TRIM55: variants seen among roughly 807,000 people sequenced by gnomAD.
TRIM55 encodes tripartite motif-containing protein 55.
TRIM55 carries 50 observed loss-of-function variants against 60.9 expected under a neutral mutation model. The observed-to-expected ratio is 0.82, with a 90% CI of 0.65 to 1.04. The LOEUF is 1.04. TRIM55 is among the 50% of genes least tolerant of loss of function. The pLI is 0.00. For missense variants in TRIM55, 681 were observed against 666.9 expected, an observed-to-expected ratio of 1.02 and a Z score of -0.23; for synonymous variants, 237 against 238.1, an observed-to-expected ratio of 1.00 and a Z score of 0.04.
At chr8:66,128,524 T>C in intron 2 of TRIM55, 48 bp downstream of exon 2, 1 of 1,580,098 alleles carries the variant, frequency 6.3e-7, no homozygotes. Context: ...TGAAACTTGT[T>C]TTTGTTTGTT....
At chr8:66,161,734 T>C (rs1302015839) in intron 9 of TRIM55, among the ~76,000 whole-genome samples, 1 of 150,390 alleles carries the variant, frequency 6.6e-6, no homozygotes, top group Non-Finnish European at 1.5e-5. Context: ...ATTCATGTCC[T>C]TGGTTAGGTA....
chr8:66,164,065 G>C (rs1487984594), intron 9 of TRIM55, among the ~76,000 whole-genome samples: 3 of 151,752 alleles, frequency 2.0e-5, no homozygotes, highest in Non-Finnish European at 4.4e-5. Context: ...TCTGCATGCT[G>C]AAATGGGTAG....
chr8:66,128,232 G>T, intron 1 of TRIM55, 72 bp from the exon 2 acceptor site: 1 of 1,361,718 alleles, frequency 7.3e-7, no homozygotes, highest in South Asian at 1.4e-5. Flanking sequence ...TAGTAGCAGA[G>T]AGTGAAAATA....
chr8:66,152,728 A>G, intron 8 of TRIM55, 101 bp downstream of exon 8: 1 of 1,445,038 alleles, frequency 6.9e-7, no homozygotes, highest in East Asian at 2.3e-5. Context: ...AAAGATAACT[A>G]TATGCCAGAC....
At chr8:66,147,234 T>C (rs73249962) in intron 4 of TRIM55, among the ~76,000 whole-genome samples, 4,131 of 152,256 alleles carry the variant, frequency 0.027, 172 homozygotes, top group African/African-American at 0.093. Flanking sequence ...TGACATGCAT[T>C]GTTTGTTAAA....
At chr8:66,173,984 T>C (rs1237514216) in intron 9 of TRIM55, among the ~76,000 whole-genome samples, 1 of 152,160 alleles carries the variant, frequency 6.6e-6, no homozygotes, top group African/African-American at 2.4e-5. Flanking sequence ...AGAAAATATA[T>C]ATGTATATGC....
chr8:66,160,179 T>C (rs749984562), intron 9 of TRIM55, among the ~76,000 whole-genome samples: 4 of 152,130 alleles, frequency 2.6e-5, no homozygotes, highest in African/African-American at 9.7e-5. Flanking sequence ...CAAAGTCCCA[T>C]GTATTATTCT....
intron 9 of TRIM55, among the ~76,000 whole-genome samples, chr8:66,157,158 C>T (rs1810788512): frequency 6.6e-6 from 1 of 152,162 alleles, no homozygotes; most frequent in African/African-American, 2.4e-5. Context: ...GGCTGTGATC[C>T]ACTGAGCCCA....
chr8:66,124,871 C>T (rs143891450), upstream of TRIM55, among the ~76,000 whole-genome samples: 397 of 152,260 alleles, frequency 2.6e-3, 4 homozygotes, highest in African/African-American at 9.2e-3. Context: ...AGGCATGGTA[C>T]GAAGGACAGA....
chr8:66,127,568 T>C, intron 1 of TRIM55, 132 bp downstream of exon 1: 1 of 1,038,628 alleles, frequency 9.6e-7, no homozygotes, highest in Non-Finnish European at 1.4e-6. Flanking sequence ...GGCTCACGCC[T>C]GTAGTCCCAG....
At chr8:66,114,082 A>AACCC in the TRIM55 span, among the ~76,000 whole-genome samples, 11 of 75,322 alleles carry the variant, frequency 1.5e-4, no homozygotes, top group East Asian at 5.4e-4. Flanking sequence ...AAGGAGAGAC[A>AACCC]CCCCCCCCCC....
intron 4 of TRIM55, among the ~76,000 whole-genome samples, chr8:66,147,995 A>C (rs1810198237): frequency 6.6e-6 from 1 of 152,190 alleles, no homozygotes. Flanking sequence ...AAATGAAAGA[A>C]TATGTAATAA....
At chr8:66,169,140 A>G (rs1273414494) in intron 9 of TRIM55, among the ~76,000 whole-genome samples, 1 of 152,214 alleles carries the variant, frequency 6.6e-6, no homozygotes, top group Non-Finnish European at 1.5e-5. Flanking sequence ...GCTAAAAAAA[A>G]TAATGCCCCC....
chr8:66,160,306 G>C (rs567035356), intron 9 of TRIM55, among the ~76,000 whole-genome samples: 2 of 151,860 alleles, frequency 1.3e-5, no homozygotes, highest in Non-Finnish European at 2.9e-5. Context: ...CATCCAGGTT[G>C]TTGCAAATGC....
chr8:66,149,785 CA>C lies in TRIM55; in HGVS notation c.749del (p.Lys250SerfsTer36). 1 of 1,614,152 alleles carries C rather than the reference CA, an allele frequency of 6.2e-7. No homozygotes were observed. Among genetic ancestry groups the C allele is most frequent in the Non-Finnish European group, 8.5e-7 (1 of 1,180,012 alleles). ...EKLEHVRALI[K>X]KYSDHLENVS... ...AACTGGAACATGTCCGTGCTCTGAT[CA>C]AAAAGTATTCTGATCATTTGGAGAA... On this transcript the variant is annotated frameshift_variant, in exon 5 of 10. Transcript: ENST00000315962. LOFTEE classifies it high-confidence loss of function.
chr8:66,171,113 T>C (rs1811602074), intron 9 of TRIM55, among the ~76,000 whole-genome samples: 1 of 152,174 alleles, frequency 6.6e-6, no homozygotes, highest in African/African-American at 2.4e-5. Flanking sequence ...TATTTTAAGT[T>C]CAGGGGTACA....
intron 8 of TRIM55, 59 bp from the exon 9 acceptor site, chr8:66,153,988 T>TTTC (rs1258683318): frequency 1.1e-5 from 16 of 1,502,150 alleles, no homozygotes; most frequent in East Asian, 2.3e-5. Flanking sequence ...TCAACTGCTT[T>TTTC]TTCTTCTTCT....
At chr8:66,118,156 G>A in the TRIM55 span, among the ~76,000 whole-genome samples, 3 of 102,840 alleles carry the variant, frequency 2.9e-5, no homozygotes, top group South Asian at 3.4e-4. Flanking sequence ...GGGACAGAGC[G>A]AGACTCCGTC....
Position 66,174,486 on chromosome 8 carries a change from C to G in TRIM55, c.1540C>G (p.Pro514Ala). 3.1e-6 allele frequency: 5 copies of G among 1,611,844 alleles called. No homozygotes were observed. Among genetic ancestry groups the G allele is most frequent in the Non-Finnish European group, 4.2e-6 (5 of 1,179,444 alleles). Residue 514 changes from proline to alanine, a missense_variant, in exon 10 of 10, where the codon CCT becomes GCT. Coordinates refer to ENST00000315962, the MANE Select transcript of TRIM55 (RefSeq NM_184085.2). ...AATSQIGFEAPPLQGQAAAPA... is the reference protein window; with the variant it reads ...AATSQIGFEAAPLQGQAAAPA... ...TCCATTGCAGATTGGATTTGAGGCT[C>G]CTCCCCTCCAGGGACAGGCTGCAGC... is the stretch of plus-strand genomic sequence containing the variant.
Sources: gnomAD v4.1 joint callset for allele counts (sites outside exome capture counted in the v4.1 genomes callset) on GRCh38, gnomAD v4.1.1 for gene constraint, MANE v1.5 for transcripts, NCBI Gene and HGNC (gene_info 2026-07-23, HGNC 2026-07-21) for gene names.